The following SMG6 variants were observed in gnomAD, a reference collection of about 807,000 sequenced individuals.
SMG6 encodes the protein telomerase-binding protein EST1A.
Under a neutral mutation model 142.2 loss-of-function variants are expected in SMG6, and 66 were observed. The ratio of observed to expected loss-of-function variants is 0.46; its 90% CI spans 0.38 to 0.57. SMG6 has a LOEUF of 0.57. Among genes scored for constraint, SMG6 ranks in the 20% least tolerant of loss-of-function variants. The pLI, the probability that SMG6 is intolerant of heterozygous loss-of-function variation, is 0.00. For missense variants in SMG6, 1,793 were observed against 1,832.0 expected (o/e 0.98, Z 0.39); for synonymous variants, 779 against 702.4 (o/e 1.11, Z -1.72).
At chr17:2,161,940 G>C (rs2071191892) in intron 13 of SMG6, among the ~76,000 whole-genome samples, 1 of 152,170 alleles carries the variant, frequency 6.6e-6, no homozygotes, top group Non-Finnish European at 1.5e-5. Context: ...AAATGATAGA[G>C]AGGGAGGTCT....
At chr17:2,176,988 C>G (rs1467771306) in intron 12 of SMG6, among the ~76,000 whole-genome samples, 2 of 152,204 alleles carry the variant, frequency 1.3e-5, no homozygotes, top group African/African-American at 2.4e-5. Flanking sequence ...TACAATGCAG[C>G]CCAGGCCAGC....
At chr17:2,247,414 T>A (rs945028011) in intron 8 of SMG6, among the ~76,000 whole-genome samples, 1 of 152,250 alleles carries the variant, frequency 6.6e-6, no homozygotes, top group Non-Finnish European at 1.5e-5. Context: ...AATTGGTTAA[T>A]TCATTCATAA....
chr17:2,088,094 G>T (rs1438326857), intron 13 of SMG6: 1 of 985,384 alleles, frequency 1.0e-6, no homozygotes, highest in Admixed American at 6.1e-5. Flanking sequence ...TCACCTGGAC[G>T]ATGAGAGGTA....
Position 2,153,790 on chromosome 17 carries a change from T to C in SMG6, c.3357+18868A>G, listed in dbSNP as rs546537745. Reference sequence around the variant, plus strand: ...TGACTGGGAAACCTGGGGATGCACGTAGAGTGTGATGGTGACTGGGGGAAC... The same window carrying C: ...TGACTGGGAAACCTGGGGATGCACGCAGAGTGTGATGGTGACTGGGGGAAC... On this transcript the variant is annotated intron_variant, in intron 13 of 18. Transcript: ENST00000263073. Among the ~76,000 whole-genome samples the C allele has an allele frequency of 9.0e-5, 8 of 89,382 alleles. 1 individual carries two copies. The highest frequency in any genetic ancestry group is 2.5e-4 in the African/African-American group (5 of 19,672). The allele number at this position is 89,382 out of a possible 152,430, so 58.6% of individuals were successfully genotyped here.
intron 10 of SMG6, among the ~76,000 whole-genome samples, chr17:2,221,766 C>G (rs541797720): frequency 6.6e-6 from 1 of 152,156 alleles, no homozygotes; most frequent in South Asian, 2.1e-4. Context: ...TTTTTTGAGA[C>G]GGAGTCTTGC....
chr17:2,147,436 C>A (rs1273895733), intron 13 of SMG6, among the ~76,000 whole-genome samples: 1 of 151,918 alleles, frequency 6.6e-6, no homozygotes, highest in Non-Finnish European at 1.5e-5. Context: ...TAGCTTATAG[C>A]AAGTTAGGAT....
intron 8 of SMG6, chr17:2,255,595 G>A (rs528394473): frequency 1.4e-3 from 214 of 157,454 alleles, no homozygotes; most frequent in Non-Finnish European, 2.4e-3. Context: ...CAGCCGCCCC[G>A]TCCGGGAGGT....
rs1210756163 is a variant in SMG6, at chr17:2,065,629, C to A, written c.3886G>T (p.Ala1296Ser). ...TGTACCACACGGGCGTAGCCCCCAG[C>A]CCGGTGGTCTGTCTCCTGCCCCTTG... ...LAKGQETDHR[A>S]GGYARVVQEK... Residue 1296 changes from alanine (A) to serine (S), a missense_variant, in exon 17 of 19, where the codon GCT becomes TCT. Physicochemically the swap from Ala to Ser is moderately conservative, Grantham distance 99. Around this residue, in one of 3 missense-constraint regions of SMG6, gnomAD observed 179 missense variants for 212.6 expected, o/e 0.84. Coordinates refer to ENST00000263073, the MANE Select transcript of SMG6 (RefSeq NM_017575.5). 6.2e-7 allele frequency: 1 copy of A among 1,613,980 alleles called. No individual in the cohort carries two copies. Among genetic ancestry groups the A allele is most frequent in the Non-Finnish European group, 8.5e-7 (1 of 1,180,038 alleles).
rs142805438 is a variant in SMG6 at position 2,127,014 on chromosome 17, T to C, written c.3358-41113A>G. ...ATTAGCTGGGTGTGGTGGTACGTGC[T>C]TGTGGTCCCAGCTACTTAGGAAGCT... is the stretch of plus-strand genomic sequence containing the variant. On this transcript the variant is annotated intron_variant, in intron 13 of 18. Transcript: ENST00000263073. Among the ~76,000 whole-genome samples the C allele has an allele frequency of 7.2e-5, 11 of 151,828 alleles. No homozygotes were observed. In the East Asian group the frequency reaches 1.9e-3, roughly 27 times the overall value.
At chr17:2,205,984 T>C (rs964191682) in intron 10 of SMG6, among the ~76,000 whole-genome samples, 2 of 152,084 alleles carry the variant, frequency 1.3e-5, no homozygotes, top group African/African-American at 2.4e-5. Flanking sequence ...AATTTTTATA[T>C]TTTTAGTAGA....
At chr17:2,254,840 G>A (rs2074128651) in intron 8 of SMG6, among the ~76,000 whole-genome samples, 1 of 152,282 alleles carries the variant, frequency 6.6e-6, no homozygotes, top group South Asian at 2.1e-4. Flanking sequence ...TGCCATGACT[G>A]GGGAAGGCTA....
intron 6 of SMG6, among the ~76,000 whole-genome samples, chr17:2,291,228 G>A (rs1283174375): frequency 6.6e-6 from 1 of 152,116 alleles, no homozygotes; most frequent in East Asian, 1.9e-4. Flanking sequence ...CTACTCGGGA[G>A]GCTGAGGCAG....
chr17:2,267,672 T>A lies in SMG6; in HGVS notation c.2661+14975A>T, dbSNP rs187788263. Among the ~76,000 whole-genome samples, 666 of 152,100 alleles carry A rather than the reference T, an allele frequency of 4.4e-3. 4 individuals carry two copies. Among genetic ancestry groups the A allele is most frequent in the African/African-American group, 0.015 (608 of 41,550 alleles). On this transcript the variant is annotated intron_variant, in intron 8 of 18. Transcript: ENST00000263073. ...TTATAGATTAAATCAGTGCTTGTGC[T>A]ATCCAGAGAGAACCAGGCCAAAAGC...
In SMG6 at chr17:2,085,548, C is replaced by T. The variant is rs565560300; in HGVS notation, c.3534+177G>A. Reference sequence around the variant, plus strand: ...TCGTAGTGGAGTAGGATGGAGGCACCGGGGTGGACTGGCAGGAAGGGGCAC... The same window carrying T: ...TCGTAGTGGAGTAGGATGGAGGCACTGGGGTGGACTGGCAGGAAGGGGCAC... On this transcript the variant is annotated intron_variant, in intron 14 of 18. Coordinates refer to ENST00000263073, the MANE Select transcript of SMG6 (RefSeq NM_017575.5). This position sits in a 1 kb window ranked among gnomAD's most constrained non-coding sequence, Gnocchi z 4.1. Among the ~76,000 whole-genome samples, 1 of 152,224 alleles carries T rather than the reference C, an allele frequency of 6.6e-6. No homozygotes were observed. Among genetic ancestry groups the T allele is most frequent in the East Asian group, 1.9e-4 (1 of 5,192 alleles).
chr17:2,081,411 T>C (rs1409344481), intron 15 of SMG6, among the ~76,000 whole-genome samples: 1 of 152,162 alleles, frequency 6.6e-6, no homozygotes, highest in Non-Finnish European at 1.5e-5. Context: ...ACTGTGGCCA[T>C]GCCATCCTCT....
intron 13 of SMG6, among the ~76,000 whole-genome samples, chr17:2,103,002 G>T (rs1366035902): frequency 1.3e-5 from 2 of 152,192 alleles, no homozygotes; most frequent in Non-Finnish European, 2.9e-5. Flanking sequence ...ACTCCATTGT[G>T]TGTATGTCCC....
At chr17:2,202,193 A>G (rs1352306687) in intron 10 of SMG6, among the ~76,000 whole-genome samples, 1 of 152,246 alleles carries the variant, frequency 6.6e-6, no homozygotes, top group Non-Finnish European at 1.5e-5. Flanking sequence ...AAGTGAATGG[A>G]TAAATAAATT....
At chr17:2,148,142 G>C (rs993757735) in intron 13 of SMG6, among the ~76,000 whole-genome samples, 2 of 152,098 alleles carry the variant, frequency 1.3e-5, no homozygotes, top group Non-Finnish European at 2.9e-5. Context: ...AGTGAGCTGA[G>C]AGTGTGCCAC....
At chr17:2,102,989 A>G (rs1322583493) in intron 13 of SMG6, among the ~76,000 whole-genome samples, 1 of 152,214 alleles carries the variant, frequency 6.6e-6, no homozygotes, top group Non-Finnish European at 1.5e-5. Flanking sequence ...AAGGCCAAAT[A>G]GTACTCCATT....
Sources: allele counts gnomAD v4.1 joint callset (sites outside exome capture counted in the v4.1 genomes callset), GRCh38; gene constraint gnomAD v4.1.1; regional missense constraint gnomAD v4.1.1; non-coding constraint Gnocchi (gnomAD v3.1); transcripts MANE v1.5; gene names NCBI Gene and HGNC (gene_info 2026-07-23, HGNC 2026-07-21).